Variants in KLHL31 observed in about 807,000 individuals in gnomAD.
KLHL31 encodes kelch-like protein 31.
Under a neutral mutation model 47.1 loss-of-function variants are expected in KLHL31, and 32 were observed. The observed-to-expected ratio is 0.68, with a 90% confidence interval of 0.51 to 0.91. KLHL31 has a LOEUF of 0.91. Ranked by LOEUF, KLHL31 falls within the 40% of genes least tolerant of loss-of-function variation. The pLI, the probability that KLHL31 is intolerant of heterozygous loss-of-function variation, is 0.00. For synonymous variants in KLHL31, 330 were observed against 325.1 expected (o/e 1.01, Z -0.16); for missense variants, 797 against 819.3 (o/e 0.97, Z 0.33).
In KLHL31 at chr6:53,654,674, A is replaced by G; in HGVS notation, c.599T>C (p.Leu200Pro). The G allele has an allele frequency of 6.2e-7, 1 of 1,614,226 alleles. No individual in the cohort carries two copies. Among genetic ancestry groups the G allele is most frequent in the Non-Finnish European group, 8.5e-7 (1 of 1,180,032 alleles). The change falls in exon 2 of 3, where the codon CTT (leucine) becomes CCT (proline). Residue 200 changes from leucine to proline, a missense_variant. Leu to Pro is a moderately conservative substitution (Grantham distance 98, BLOSUM62 -3). Coordinates refer to ENST00000370905, the MANE Select transcript of KLHL31 (RefSeq NM_001003760.5). ...AAQKFIRDNF[L>P]EFAESDQFMK... ...AAACTGATCCGATTCTGCAAATTCA[A>G]GGAAGTTATCCCGAATAAATTTCTG...
At chr6:53,665,120 G>A (rs971842741) in intron 1 of KLHL31, among the ~76,000 whole-genome samples, 4 of 151,250 alleles carry the variant, frequency 2.6e-5, no homozygotes, top group Admixed American at 6.6e-5. Context: ...AGTTGTCTGA[G>A]TTTTGTGCTA....
chr6:53,650,242 G>T lies in KLHL31; in HGVS notation c.*1356C>A, dbSNP rs1043008310. 2.6e-5 allele frequency: 4 copies of T among 151,998 alleles called. No individual in the cohort carries two copies. The highest frequency in any genetic ancestry group is 9.7e-5 in the African/African-American group (4 of 41,352). The allele number at this position is 151,998 out of a possible 1,614,324, so 9.4% of individuals were successfully genotyped here. On this transcript the variant is annotated 3_prime_UTR_variant, in exon 3 of 3. Transcript: ENST00000370905. ...TCTCCAAAACAAATAAACTGTCAAAGAATAAAGTGATAAATTATAAAAAAG... is the reference window on the plus strand; with the variant it reads ...TCTCCAAAACAAATAAACTGTCAAATAATAAAGTGATAAATTATAAAAAAG...
Position 53,652,278 on chromosome 6 carries a change from G to A in KLHL31, c.1225C>T (p.Arg409Cys). The A allele has an allele frequency of 6.2e-7, 1 of 1,614,166 alleles. No individual in the cohort carries two copies. The highest frequency in any genetic ancestry group is 8.5e-7 in the Non-Finnish European group (1 of 1,180,040). The change falls in exon 3 of 3, where the codon CGC (arginine) becomes TGC (cysteine). Residue 409 changes from arginine to cysteine, a missense_variant. By Grantham distance (180) the Arg-to-Cys change is radical. Coordinates refer to ENST00000370905, the MANE Select transcript of KLHL31 (RefSeq NM_001003760.5). ...AACACGCTCAGGCTGAAGTGCGTGC[G>A]CTTCTGGTTCATGCTGGCCAGGTGT... The part of the protein sequence containing the change: ...WIHLASMNQK[R>C]THFSLSVFNG...
At chr6:53,659,632 C>G (rs1225620438) in intron 1 of KLHL31, among the ~76,000 whole-genome samples, 1 of 152,062 alleles carries the variant, frequency 6.6e-6, no homozygotes, top group Non-Finnish European at 1.5e-5. Flanking sequence ...CAAGTTGAAG[C>G]AAGGAGGTGT....
rs1257932094 is a variant in KLHL31, at chr6:53,654,697, C to T, written c.576G>A (p.Gln192=). ...CAAGGAAGTTATCCCGAATAAATTT[C>T]TGGGCTGCTGCTTTTGCATTTTTTA... is the stretch of plus-strand genomic sequence containing the variant. ...YSLKNAKAAA[Q]KFIRDNFLEF... Residue 192 remains glutamine, a synonymous_variant, in exon 2 of 3, where the codon CAG becomes CAA. Coordinates refer to ENST00000370905, the MANE Select transcript of KLHL31 (RefSeq NM_001003760.5). 1.2e-6 allele frequency: 2 copies of T among 1,614,076 alleles called. No individual in the cohort carries two copies. Among genetic ancestry groups the T allele is most frequent in the Non-Finnish European group, 1.7e-6 (2 of 1,180,046 alleles).
At position 53,653,964 on chromosome 6, in the gene KLHL31, C is replaced by T. The variant is rs190276009; in HGVS notation, c.1172+137G>A. On this transcript the variant is annotated intron_variant, in intron 2 of 2. Coordinates refer to ENST00000370905, the MANE Select transcript of KLHL31 (RefSeq NM_001003760.5). Reference sequence around the variant, plus strand: ...TATATAATATAAAGTGCTGAACATACGTAAGGTGGCATTATTATTATTTTT... The same window carrying T: ...TATATAATATAAAGTGCTGAACATATGTAAGGTGGCATTATTATTATTTTT... The T allele has an allele frequency of 1.9e-4, 129 of 668,112 alleles. 1 individual carries two copies. Among genetic ancestry groups the T allele is most frequent in the Admixed American group, 1.6e-3 (53 of 32,318 alleles). The allele number at this position is 668,112 out of a possible 1,614,324, so 41.4% of individuals were successfully genotyped here.
At chr6:53,652,365 G>A in intron 2 of KLHL31, 35 bp from the exon 3 acceptor site, 3 of 1,608,886 alleles carry the variant, frequency 1.9e-6, no homozygotes, top group Non-Finnish European at 2.5e-6. Flanking sequence ...CAGCTTTGTC[G>A]GCGGCAGCTG....
At chr6:53,659,950 C>A (rs927575490) in intron 1 of KLHL31, among the ~76,000 whole-genome samples, 1 of 152,188 alleles carries the variant, frequency 6.6e-6, no homozygotes, top group Non-Finnish European at 1.5e-5. Context: ...GTTGACTCAG[C>A]CCTGGCCTGT....
chr6:53,658,062 G>A (rs1028614360), intron 1 of KLHL31, among the ~76,000 whole-genome samples: 7 of 152,130 alleles, frequency 4.6e-5, no homozygotes, highest in African/African-American at 1.4e-4. Context: ...GATTTTCTGG[G>A]AGAAACTTTT....
chr6:53,651,571 T>A lies in KLHL31; in HGVS notation c.*27A>T. The A allele has an allele frequency of 6.3e-7, 1 of 1,588,452 alleles. No homozygotes were observed. The highest frequency in any genetic ancestry group is 8.6e-7 in the Non-Finnish European group (1 of 1,163,888). On this transcript the variant is annotated 3_prime_UTR_variant, in exon 3 of 3. Coordinates refer to ENST00000370905, the MANE Select transcript of KLHL31 (RefSeq NM_001003760.5). ...GGCTCTACGAATAAATAACGTGTTC[T>A]TCCTGCGTCCCTGCATCTACCTGGG...
intron 1 of KLHL31, among the ~76,000 whole-genome samples, chr6:53,660,115 T>C (rs1764624318): frequency 1.3e-5 from 2 of 152,310 alleles, no homozygotes; most frequent in Non-Finnish European, 2.9e-5. Flanking sequence ...TTCCCGGATA[T>C]GCATGGTTTC....
intron 2 of KLHL31, 33 bp downstream of exon 2, chr6:53,654,068 A>G: frequency 6.6e-7 from 1 of 1,524,466 alleles, no homozygotes; most frequent in Non-Finnish European, 8.9e-7. Context: ...TATAATATTG[A>G]GCCATTTCAG....
chr6:53,665,224 T>G (rs1467026484), intron 1 of KLHL31, among the ~76,000 whole-genome samples: 1 of 152,160 alleles, frequency 6.6e-6, no homozygotes, highest in Non-Finnish European at 1.5e-5. Flanking sequence ...AATTCTAAAC[T>G]TTGTGAACAA....
intron 1 of KLHL31, among the ~76,000 whole-genome samples, chr6:53,661,398 C>A (rs1468199132): frequency 6.6e-6 from 1 of 152,102 alleles, no homozygotes; most frequent in Non-Finnish European, 1.5e-5. Context: ...ACACTGGGTG[C>A]AAACAAACAC....
chr6:53,660,148 C>T (rs1764624677), intron 1 of KLHL31, among the ~76,000 whole-genome samples: 1 of 152,030 alleles, frequency 6.6e-6, no homozygotes, highest in African/African-American at 2.4e-5. Flanking sequence ...AAGTGTCCTT[C>T]TATAATTCAC....
rs1474315037 is a variant in KLHL31, at chr6:53,648,411, C to T, written c.*3187G>A. The T allele has an allele frequency of 1.3e-5, 2 of 152,110 alleles. No homozygotes were observed. Among genetic ancestry groups the T allele is most frequent in the Non-Finnish European group, 2.9e-5 (2 of 68,004 alleles). 9.4% of individuals were successfully genotyped at this position (152,110 alleles called of 1,614,324 possible). A position where few individuals can be genotyped will look rare whatever the true frequency, so the allele number is the denominator to read the frequency against. On this transcript the variant is annotated 3_prime_UTR_variant, in exon 3 of 3. Transcript: ENST00000370905. ...GATTTTAGTTTATTTCGTCTCGTAACTTGGATGAGTTCTGAAGACACTTGG... is the reference window on the plus strand; with the variant it reads ...GATTTTAGTTTATTTCGTCTCGTAATTTGGATGAGTTCTGAAGACACTTGG...
Position 53,654,944 on chromosome 6 carries a change from CT to C in KLHL31, c.328del (p.Arg110GlyfsTer10). 6.2e-7 allele frequency: 1 copy of C among 1,614,136 alleles called. No individual in the cohort carries two copies. The highest frequency in any genetic ancestry group is 8.5e-7 in the Non-Finnish European group (1 of 1,179,980). On this transcript the variant is annotated frameshift_variant, in exon 2 of 3. Transcript: ENST00000370905. LOFTEE classifies it high-confidence loss of function. Reference sequence around the variant, plus strand: ...TGGTGAGATATCATTGAGATCCACCCTCTGAATTGACGGGTCTTTTTTTAGG... The same window carrying C: ...TGGTGAGATATCATTGAGATCCACCCCTGAATTGACGGGTCTTTTTTTAGG... ...NILKKDPSIQ[R>X]VDLNDISPLG...
rs1465191986 is a variant in KLHL31 at position 53,655,218 on chromosome 6, T to A, written c.55A>T (p.Thr19Ser). The A allele has an allele frequency of 1.2e-5, 19 of 1,606,130 alleles. No homozygotes were observed. The highest frequency in any genetic ancestry group is 1.6e-5 in the Non-Finnish European group (19 of 1,177,734). ...AGGGGGCTATCTTCTACGATTATAG[T>A]CATCTCATTGATATCTCCTTTGTTC... ...KKNKGDINEM[T>S]IIVEDSPLNK... The change falls in exon 2 of 3, where the codon ACT becomes TCT. Residue 19 changes from threonine (T) to serine (S), a missense_variant. Thr to Ser is a moderately conservative substitution (Grantham distance 58, BLOSUM62 1). Transcript: ENST00000370905.
At chr6:53,658,279 A>ATT (rs5876321) in intron 1 of KLHL31, among the ~76,000 whole-genome samples, 20 of 150,430 alleles carry the variant, frequency 1.3e-4, no homozygotes, top group East Asian at 3.9e-4. Flanking sequence ...TCCTGTGGCC[A>ATT]TTTTTTTTTA....
Sources: gnomAD v4.1 joint callset for allele counts (sites outside exome capture counted in the v4.1 genomes callset) on GRCh38, gnomAD v4.1.1 for gene constraint, MANE v1.5 for transcripts, NCBI Gene and HGNC (gene_info 2026-07-23, HGNC 2026-07-21) for gene names.